The following KLRG1 variants were observed in gnomAD, a reference collection of about 807,000 sequenced individuals.
KLRG1 encodes the protein killer cell lectin like receptor G1.
KLRG1 carries 16 observed loss-of-function variants against 21.8 expected under a neutral mutation model. The observed-to-expected ratio is 0.73, with a 90% CI of 0.50 to 1.11. The LOEUF (loss-of-function observed/expected upper bound fraction) is 1.11. KLRG1 is among the 50% of genes most tolerant of loss of function. The pLI, the probability that KLRG1 is intolerant of heterozygous loss-of-function variation, is 0.00. For synonymous variants in KLRG1, 69 were observed against 75.9 expected (o/e 0.91, Z 0.47); for missense variants, 173 against 218.3 (o/e 0.79, Z 1.31).
At chr12:9,093,419 C>A in the KLRG1 span, 1 of 1,318,352 alleles carries the variant, frequency 7.6e-7, no homozygotes, top group Admixed American at 1.7e-5. Flanking sequence ...TGAAAATAGT[C>A]AGGGACCTCT....
chr12:9,002,264 A>C (rs1947327335), intron 3 of KLRG1, among the ~76,000 whole-genome samples: 1 of 152,130 alleles, frequency 6.6e-6, no homozygotes, highest in Non-Finnish European at 1.5e-5. Context: ...AAACCATTTT[A>C]ATTTGGAAGT....
At chr12:9,192,062 C>T in the KLRG1 span, 43 of 721,060 alleles carry the variant, frequency 6.0e-5, 1 homozygote, top group East Asian at 3.2e-4. Flanking sequence ...AGTCATAAGA[C>T]GAGTATTTTC....
downstream of KLRG1, among the ~76,000 whole-genome samples, chr12:9,014,832 T>C (rs2137470134): frequency 6.6e-6 from 1 of 151,166 alleles, no homozygotes; most frequent in Middle Eastern, 3.4e-3. Context: ...ATAACATAAA[T>C]AGAAACAACA....
chr12:9,155,001 T>G, the KLRG1 span, among the ~76,000 whole-genome samples: 1 of 152,230 alleles, frequency 6.6e-6, no homozygotes, highest in East Asian at 1.9e-4. Flanking sequence ...CACACTTCTA[T>G]GCTGAACTTG....
At chr12:9,046,046 A>G in the KLRG1 span, among the ~76,000 whole-genome samples, 1 of 152,196 alleles carries the variant, frequency 6.6e-6, no homozygotes, top group East Asian at 1.9e-4. Context: ...CAGGTGGGAG[A>G]GCATCAGGAA....
the KLRG1 span, chr12:9,200,379 A>G: frequency 1.9e-6 from 3 of 1,606,890 alleles, no homozygotes; most frequent in Admixed American, 1.7e-5. Context: ...ACAGACTGTT[A>G]TGTTCACTTT....
chr12:9,198,457 G>GA, the KLRG1 span, among the ~76,000 whole-genome samples: 1 of 152,070 alleles, frequency 6.6e-6, no homozygotes. Context: ...TGTAGATGAT[G>GA]AATTGAATAA....
chr12:9,149,277 T>C, the KLRG1 span, among the ~76,000 whole-genome samples: 1 of 152,216 alleles, frequency 6.6e-6, no homozygotes, highest in East Asian at 1.9e-4. Context: ...TAGTTGACCA[T>C]TGTGTTGAAG....
At chr12:9,199,730 C>T in the KLRG1 span, among the ~76,000 whole-genome samples, 1 of 151,740 alleles carries the variant, frequency 6.6e-6, no homozygotes, top group Non-Finnish European at 1.5e-5. Flanking sequence ...AATATTAGAG[C>T]AAAAAAACTA....
intron 1 of KLRG1, chr12:8,970,605 A>G (rs191353727): frequency 5.5e-4 from 84 of 151,736 alleles, no homozygotes; most frequent in African/African-American, 1.5e-3. Flanking sequence ...CTTCCTTTTC[A>G]TCTTTTATTT....
At chr12:9,116,166 C>G in the KLRG1 span, 1 of 353,140 alleles carries the variant, frequency 2.8e-6, no homozygotes, top group African/African-American at 2.1e-5. Context: ...TCAACCTCTT[C>G]TCTCCCTCAC....
chr12:9,176,563 G>C, the KLRG1 span, among the ~76,000 whole-genome samples: 3 of 152,234 alleles, frequency 2.0e-5, no homozygotes, highest in Non-Finnish European at 4.4e-5. Context: ...ATATTGGATA[G>C]ACCAATGTCT....
At chr12:9,188,164 AG>A in the KLRG1 span, among the ~76,000 whole-genome samples, 9 of 152,256 alleles carry the variant, frequency 5.9e-5, no homozygotes, top group Admixed American at 3.9e-4. Context: ...CACATCAAAA[AG>A]CTTAGCTACC....
chr12:9,149,510 G>C, the KLRG1 span: 1 of 1,530,104 alleles, frequency 6.5e-7, no homozygotes, highest in Non-Finnish European at 8.9e-7. Context: ...AGGGGCCCTT[G>C]GAGAGTGGGT....
At chr12:9,180,520 G>A in the KLRG1 span, among the ~76,000 whole-genome samples, 4 of 152,214 alleles carry the variant, frequency 2.6e-5, no homozygotes, top group Admixed American at 6.5e-5. Context: ...TCTGATCTTC[G>A]ACAAACCTGA....
At chr12:9,169,667 A>G in the KLRG1 span, 1 of 1,327,860 alleles carries the variant, frequency 7.5e-7, no homozygotes, top group Non-Finnish European at 1.0e-6. Flanking sequence ...AGAGAAATAA[A>G]ATAATTATCA....
the KLRG1 span, among the ~76,000 whole-genome samples, chr12:9,021,370 TTTTACA>T: frequency 1.1e-4 from 16 of 152,138 alleles, no homozygotes; most frequent in Non-Finnish European, 1.9e-4. Flanking sequence ...CTTTATAAAC[TTTTACA>T]TTTACATTTT....
At chr12:9,044,475 A>T in the KLRG1 span, among the ~76,000 whole-genome samples, 8 of 152,048 alleles carry the variant, frequency 5.3e-5, no homozygotes, top group African/African-American at 1.9e-4. Flanking sequence ...CACCAGCCTG[A>T]CCAACATGGT....
chr12:9,110,160 G>T, the KLRG1 span: 2 of 1,167,756 alleles, frequency 1.7e-6, no homozygotes, highest in Non-Finnish European at 1.2e-6. Flanking sequence ...AGGGTGAGTA[G>T]AGGAGATGAG....
Sources: allele counts gnomAD v4.1 joint callset (sites outside exome capture counted in the v4.1 genomes callset), GRCh38; gene constraint gnomAD v4.1.1; transcripts MANE v1.5; gene names NCBI Gene and HGNC (gene_info 2026-07-23, HGNC 2026-07-21).